Variants in SEMA4D observed in about 807,000 individuals in gnomAD.
The protein encoded by SEMA4D is semaphorin-4D.
A neutral mutation model predicts 74.8 loss-of-function variants in SEMA4D; 22 were observed. That is an observed-to-expected ratio of 0.29 (90% CI 0.21 to 0.42). SEMA4D has a LOEUF of 0.42. SEMA4D is among the 10% of genes least tolerant of loss of function. SEMA4D has a pLI of 1.00. For synonymous variants in SEMA4D, 445 were observed against 463.7 expected, an observed-to-expected ratio of 0.96 and a Z score of 0.52; for missense variants, 937 against 1,118.4, an observed-to-expected ratio of 0.84 and a Z score of 2.31.
At chr9:89,404,515 C>T (rs1200546944) in intron 3 of SEMA4D, among the ~76,000 whole-genome samples, 1 of 108,862 alleles carries the variant, frequency 9.2e-6, no homozygotes, top group Non-Finnish European at 2.5e-5. Flanking sequence ...CAGCCACCTG[C>T]CTGAGCATCC....
At chr9:89,428,269 G>A (rs10797126) in intron 2 of SEMA4D, among the ~76,000 whole-genome samples, 34,381 of 152,132 alleles carry the variant, frequency 0.23, 4,003 homozygotes, top group Middle Eastern at 0.37. Context: ...GGCGGCCCCC[G>A]CCATGGCCCA....
chr9:89,419,783 G>A (rs1846507948), intron 2 of SEMA4D, among the ~76,000 whole-genome samples: 1 of 151,920 alleles, frequency 6.6e-6, no homozygotes, highest in Admixed American at 6.6e-5. Flanking sequence ...TGGGTGTGGT[G>A]GTGCGCACCT....
chr9:89,362,729 T>C (rs983626069), intron 18 of SEMA4D, among the ~76,000 whole-genome samples: 2 of 152,216 alleles, frequency 1.3e-5, no homozygotes, highest in Non-Finnish European at 2.9e-5. Context: ...TGCCCAGCCT[T>C]TGGTGGCAAC....
At position 89,362,557 on chromosome 9, in the gene SEMA4D, C is replaced by T. The variant is rs895363434; in HGVS notation, c.2191-129G>A. ...GCCTCAGCCCCCTGTTGTGGTTCCC[C>T]TCCTTGGAGTCTAAAGATCCAAATG... On this transcript the variant is annotated intron_variant, in intron 18 of 18. Transcript: ENST00000339861. The T allele has an allele frequency of 2.7e-5, 41 of 1,521,360 alleles. No homozygotes were observed. In the African/African-American group the frequency reaches 5.5e-4, roughly 20 times the overall value. The allele number at this position is 1,521,360 out of a possible 1,614,324, so 94.2% of individuals were successfully genotyped here.
chr9:89,406,565 G>A (rs1409463731), intron 2 of SEMA4D, among the ~76,000 whole-genome samples: 1 of 152,202 alleles, frequency 6.6e-6, no homozygotes, highest in East Asian at 1.9e-4. Context: ...ACCCGCCACA[G>A]GACTGGCCCA....
chr9:89,403,102 GTCTC>G, intron 3 of SEMA4D, 86 bp from the exon 4 acceptor site: 1 of 1,476,354 alleles, frequency 6.8e-7, no homozygotes, highest in Non-Finnish European at 9.3e-7. Flanking sequence ...CTAGGTCCCT[GTCTC>G]AGTGACAATG....
intron 2 of SEMA4D, among the ~76,000 whole-genome samples, chr9:89,416,984 C>T (rs778969391): frequency 9.2e-5 from 14 of 152,120 alleles, no homozygotes; most frequent in South Asian, 2.1e-4. Context: ...ATATATACTT[C>T]GTGCTTTTTG....
chr9:89,366,631 G>T (rs1833715553), intron 16 of SEMA4D, among the ~76,000 whole-genome samples: 2 of 152,172 alleles, frequency 1.3e-5, no homozygotes, highest in Non-Finnish European at 2.9e-5. Context: ...ATATTACATA[G>T]ATGTACAAAC....
chr9:89,406,545 C>T lies in SEMA4D; in HGVS notation c.-243-846G>A, dbSNP rs908249143. 2.0e-5 allele frequency among the ~76,000 whole-genome samples: 3 copies of T among 152,170 alleles called. No individual in the cohort carries two copies. In the East Asian group the frequency reaches 5.8e-4, roughly 29 times the overall value. ...TGTCCTGGTGTACCTTTGCTGGGCC[C>T]CACAGCGTAACCCGCCACAGGACTG... On this transcript the variant is annotated intron_variant, in intron 2 of 15. Transcript: ENST00000422704.
chr9:89,434,831 G>A (rs1003354898), intron 2 of SEMA4D, among the ~76,000 whole-genome samples: 1 of 152,216 alleles, frequency 6.6e-6, no homozygotes, highest in African/African-American at 2.4e-5. Flanking sequence ...GGCCCTGTCA[G>A]GGAATGTAGA....
Position 89,405,525 on chromosome 9 carries a change from T to A in SEMA4D, c.-69A>T. 1 of 1,591,140 alleles carries A rather than the reference T, an allele frequency of 6.3e-7. No homozygotes were observed. Among genetic ancestry groups the A allele is most frequent in the Non-Finnish European group, 8.5e-7 (1 of 1,172,444 alleles). ...GCAGCAGGTGGCCGGGCAGGTGTGCTATTGCAGATGCGGCTCAGCGCCCCA... is the reference window on the plus strand; with the variant it reads ...GCAGCAGGTGGCCGGGCAGGTGTGCAATTGCAGATGCGGCTCAGCGCCCCA... On this transcript the variant is annotated 5_prime_UTR_variant, in exon 3 of 16. Coordinates refer to ENST00000422704, the MANE Select transcript of SEMA4D (RefSeq NM_001371194.2).
chr9:89,468,872 A>AC (rs1425450571), intron 1 of SEMA4D, among the ~76,000 whole-genome samples: 1 of 152,076 alleles, frequency 6.6e-6, no homozygotes, highest in African/African-American at 2.4e-5. Flanking sequence ...ACCAAAGGCT[A>AC]CCCCAGGGCT....
chr9:89,468,731 G>A (rs1859394797), intron 1 of SEMA4D, among the ~76,000 whole-genome samples: 1 of 152,120 alleles, frequency 6.6e-6, no homozygotes, highest in Admixed American at 6.5e-5. Flanking sequence ...TTCTCACTCT[G>A]GTATAAGGCT....
intron 1 of SEMA4D, among the ~76,000 whole-genome samples, chr9:89,475,841 A>G (rs1861613397): frequency 6.6e-6 from 1 of 152,214 alleles, no homozygotes. Flanking sequence ...TTTTTCCCAG[A>G]AAAAGAAAAT....
chr9:89,455,743 C>A (rs1021878067), intron 2 of SEMA4D, 145 bp downstream of exon 2: 2 of 152,418 alleles, frequency 1.3e-5, no homozygotes, highest in South Asian at 2.1e-4. Flanking sequence ...TCCTCCCTCA[C>A]TTTCCAGACA....
chr9:89,450,757 T>C, intron 2 of SEMA4D: 1 of 1,289,298 alleles, frequency 7.8e-7, no homozygotes, highest in South Asian at 1.4e-5. Context: ...GGGACCAAGG[T>C]GGGTCCCATC....
At chr9:89,450,686 A>AAAAAAAAAAAAAAAAAC in intron 2 of SEMA4D, 5 of 945,078 alleles carry the variant, frequency 5.3e-6, no homozygotes, top group Non-Finnish European at 6.4e-6. Flanking sequence ...AAAAAAAAAA[A>AAAAAAAAAAAAAAAAAC]AGGCCTCCAA....
At chr9:89,449,124 T>C (rs1853696669) in intron 2 of SEMA4D, among the ~76,000 whole-genome samples, 2 of 152,146 alleles carry the variant, frequency 1.3e-5, no homozygotes, top group Admixed American at 6.5e-5. Context: ...GTATGCTCAC[T>C]GAAAGCACAG....
intron 1 of SEMA4D, among the ~76,000 whole-genome samples, chr9:89,468,340 G>T (rs1859287102): frequency 6.6e-6 from 1 of 152,042 alleles, no homozygotes; most frequent in African/African-American, 2.4e-5. Context: ...CCTCACATAG[G>T]AAGATGCTAC....
Sources: gnomAD v4.1 joint callset for allele counts (sites outside exome capture counted in the v4.1 genomes callset) on GRCh38, gnomAD v4.1.1 for gene constraint, MANE v1.5 for transcripts, NCBI Gene and HGNC (gene_info 2026-07-23, HGNC 2026-07-21) for gene names.